EHBP1: variants seen among roughly 807,000 people sequenced by gnomAD.
The protein encoded by EHBP1 is EH domain-binding protein 1.
A neutral mutation model predicts 144.0 loss-of-function variants in EHBP1; 55 were observed. The observed-to-expected ratio is 0.38, with a 90% CI of 0.31 to 0.48. The LOEUF (loss-of-function observed/expected upper bound fraction) is 0.48, where lower values mean the gene tolerates loss of function less well. EHBP1 is among the 20% of genes least tolerant of loss of function. EHBP1 has a pLI of 0.98. For synonymous variants in EHBP1, 469 were observed against 472.7 expected, an observed-to-expected ratio of 0.99 and a Z score of 0.10; for missense variants, 1,200 against 1,364.2, an observed-to-expected ratio of 0.88 and a Z score of 1.90.
intron 5 of EHBP1, among the ~76,000 whole-genome samples, chr2:62,815,142 A>G (rs1050652027): frequency 3.3e-5 from 5 of 152,200 alleles, no homozygotes; most frequent in Non-Finnish European, 5.9e-5. Context: ...TTACCTCTCC[A>G]TGGAGATGTA....
At chr2:62,708,211 T>C (rs947340921) in intron 2 of EHBP1, among the ~76,000 whole-genome samples, 6 of 152,330 alleles carry the variant, frequency 3.9e-5, no homozygotes, top group Admixed American at 2.6e-4. Flanking sequence ...AGAACTCTTA[T>C]ATTTGAATAT....
chr2:62,975,996 C>T (rs559350325), intron 14 of EHBP1, among the ~76,000 whole-genome samples: 19 of 151,422 alleles, frequency 1.3e-4, no homozygotes, highest in African/African-American at 4.6e-4. Context: ...AATTCATTTC[C>T]CACTGGAAAT....
intron 10 of EHBP1, among the ~76,000 whole-genome samples, chr2:62,929,815 C>A (rs1249774756): frequency 6.6e-6 from 1 of 151,574 alleles, no homozygotes; most frequent in Non-Finnish European, 1.5e-5. Flanking sequence ...ATAAAAAACA[C>A]TATAAAGATT....
intron 18 of EHBP1, among the ~76,000 whole-genome samples, chr2:62,995,779 A>G (rs1559042130): frequency 1.3e-5 from 2 of 152,118 alleles, no homozygotes; most frequent in Non-Finnish European, 1.5e-5. Context: ...TGACTATACC[A>G]TAAATAACCC....
At chr2:62,711,486 G>A (rs980722556) in intron 2 of EHBP1, among the ~76,000 whole-genome samples, 2 of 152,160 alleles carry the variant, frequency 1.3e-5, no homozygotes, top group Non-Finnish European at 2.9e-5. Context: ...TTTGCTTTTC[G>A]TTTGGGACAT....
intron 5 of EHBP1, among the ~76,000 whole-genome samples, chr2:62,811,470 A>G (rs1262187954): frequency 6.6e-6 from 1 of 152,214 alleles, no homozygotes; most frequent in Non-Finnish European, 1.5e-5. Flanking sequence ...TTATCATTTG[A>G]CAGTAGAATT....
chr2:63,038,056 A>C (rs1023209885), intron 20 of EHBP1, among the ~76,000 whole-genome samples: 1 of 152,134 alleles, frequency 6.6e-6, no homozygotes, highest in Non-Finnish European at 1.5e-5. Context: ...TTTGGGATAA[A>C]AGATAAGTTA....
intron 10 of EHBP1, among the ~76,000 whole-genome samples, chr2:62,912,256 A>C (rs868424222): frequency 5.9e-5 from 9 of 152,130 alleles, no homozygotes; most frequent in African/African-American, 1.9e-4. Context: ...TAAAAAGATA[A>C]AGGAATTATT....
intron 8 of EHBP1, among the ~76,000 whole-genome samples, chr2:62,863,170 C>A (rs1485645415): frequency 6.6e-6 from 1 of 152,106 alleles, no homozygotes; most frequent in Non-Finnish European, 1.5e-5. Context: ...ATAATCCCAG[C>A]TACTCAGGAG....
chr2:63,042,251 T>A (rs986111279), intron 21 of EHBP1, among the ~76,000 whole-genome samples: 13 of 152,140 alleles, frequency 8.5e-5, no homozygotes, highest in African/African-American at 2.9e-4. Flanking sequence ...TTACATTTTT[T>A]AAAAAAGATA....
intron 2 of EHBP1, among the ~76,000 whole-genome samples, chr2:62,737,030 G>A (rs544781586): frequency 6.6e-6 from 1 of 152,270 alleles, no homozygotes; most frequent in African/African-American, 2.4e-5. Flanking sequence ...GTCTTTTAGC[G>A]AGCCTGTGCC....
At chr2:62,988,318 T>G (rs184674560) in intron 15 of EHBP1, among the ~76,000 whole-genome samples, 2 of 152,214 alleles carry the variant, frequency 1.3e-5, no homozygotes, top group East Asian at 3.9e-4. Context: ...AATCTGTAGG[T>G]TTTCAATAGC....
chr2:62,825,671 G>A (rs192978279), intron 5 of EHBP1, among the ~76,000 whole-genome samples: 42 of 151,786 alleles, frequency 2.8e-4, no homozygotes, highest in Non-Finnish European at 4.3e-4. Flanking sequence ...AATCGTAGGC[G>A]TTTAAAAAGG....
chr2:62,927,385 A>G (rs1201393521), intron 10 of EHBP1, among the ~76,000 whole-genome samples: 1 of 152,178 alleles, frequency 6.6e-6, no homozygotes, highest in Non-Finnish European at 1.5e-5. Context: ...AAGAAATAAT[A>G]AATGTTTGAG....
intron 19 of EHBP1, among the ~76,000 whole-genome samples, chr2:63,011,173 G>C (rs749581177): frequency 6.7e-6 from 1 of 148,866 alleles, no homozygotes; most frequent in Non-Finnish European, 1.5e-5. Flanking sequence ...AAGTTTAACA[G>C]GCAAACATTC....
At chr2:62,905,852 A>T (rs2053767339) in intron 10 of EHBP1, among the ~76,000 whole-genome samples, 1 of 152,136 alleles carries the variant, frequency 6.6e-6, no homozygotes, top group Admixed American at 6.5e-5. Context: ...TTTTGTAAAA[A>T]TGGCAGGAGG....
At chr2:62,850,456 G>A (rs984398790) in intron 7 of EHBP1, among the ~76,000 whole-genome samples, 2 of 152,152 alleles carry the variant, frequency 1.3e-5, no homozygotes, top group African/African-American at 4.8e-5. Context: ...CTGTAAGGAA[G>A]AATCTCAAAT....
chr2:62,908,195 G>A (rs2053947268), intron 10 of EHBP1, among the ~76,000 whole-genome samples: 1 of 152,152 alleles, frequency 6.6e-6, no homozygotes, highest in South Asian at 2.1e-4. Context: ...ATCTTCCAAA[G>A]AGTTTGTCCA....
intron 3 of EHBP1, among the ~76,000 whole-genome samples, chr2:62,757,403 ATTTC>A (rs955822334): frequency 7.4e-6 from 1 of 134,508 alleles, no homozygotes; most frequent in African/African-American, 2.8e-5. Context: ...CATGATAATC[ATTTC>A]TTTCTTTCTT....
Sources: gnomAD v4.1 joint callset for allele counts (sites outside exome capture counted in the v4.1 genomes callset) on GRCh38, gnomAD v4.1.1 for gene constraint, MANE v1.5 for transcripts, NCBI Gene and HGNC (gene_info 2026-07-23, HGNC 2026-07-21) for gene names.